EPB41L3: variants seen among roughly 807,000 people sequenced by gnomAD.
The protein encoded by EPB41L3 is erythrocyte membrane protein band 4.1 like 3.
A neutral mutation model predicts 127.1 loss-of-function variants in EPB41L3; 57 were observed. That is an observed-to-expected ratio of 0.45 (90% CI 0.36 to 0.56). EPB41L3 has a LOEUF of 0.56. Ranked by LOEUF, EPB41L3 falls within the 20% of genes least tolerant of loss-of-function variation. The pLI, the probability that EPB41L3 is intolerant of heterozygous loss-of-function variation, is 0.00. For missense variants in EPB41L3, 1,273 were observed against 1,372.2 expected (o/e 0.93, Z 1.14); for synonymous variants, 572 against 549.5 (o/e 1.04, Z -0.57).
chr18:5,574,531 C>T (rs920445091), intron 3 of EPB41L3, among the ~76,000 whole-genome samples: 7 of 151,484 alleles, frequency 4.6e-5, no homozygotes, highest in African/African-American at 9.7e-5. Context: ...TCTCAGAGTC[C>T]GTATATCCAG....
At chr18:5,483,316 T>C (rs2088976102) in intron 2 of EPB41L3, among the ~76,000 whole-genome samples, 1 of 152,054 alleles carries the variant, frequency 6.6e-6, no homozygotes, top group African/African-American at 2.4e-5. Context: ...GTAAGCCTCA[T>C]AGTAACCACA....
intron 16 of EPB41L3, among the ~76,000 whole-genome samples, chr18:5,401,780 A>T (rs1249249311): frequency 6.6e-6 from 1 of 151,942 alleles, no homozygotes; most frequent in Non-Finnish European, 1.5e-5. Flanking sequence ...ACTTCTTTTT[A>T]TTTTTTTCTC....
At position 5,425,573 on chromosome 18, in the gene EPB41L3, T is replaced by C. The variant is rs554437150; in HGVS notation, c.1066-1214A>G. On this transcript the variant is annotated intron_variant, in intron 9 of 22. Transcript: ENST00000341928. ...CTCTGCCAACCTCTGTAGGCAAGGATGATGCAGGCTCCTAGACTACCTGAA... is the reference window on the plus strand; with the variant it reads ...CTCTGCCAACCTCTGTAGGCAAGGACGATGCAGGCTCCTAGACTACCTGAA... Among the ~76,000 whole-genome samples the C allele has an allele frequency of 1.1e-3, 162 of 152,330 alleles. 1 individual carries two copies. Among genetic ancestry groups the C allele is most frequent in the African/African-American group, 3.8e-3 (157 of 41,580 alleles).
At chr18:5,565,628 C>A (rs1156716792) in intron 3 of EPB41L3, among the ~76,000 whole-genome samples, 1 of 130,244 alleles carries the variant, frequency 7.7e-6, no homozygotes, top group Admixed American at 8.4e-5. Flanking sequence ...CTCCCCCCAC[C>A]CCACAACAGG....
intron 3 of EPB41L3, among the ~76,000 whole-genome samples, chr18:5,592,153 T>C (rs1367169775): frequency 6.6e-6 from 1 of 152,186 alleles, no homozygotes; most frequent in Non-Finnish European, 1.5e-5. Context: ...AAGTCTTTAT[T>C]ATTTTGTTAA....
intron 16 of EPB41L3, among the ~76,000 whole-genome samples, chr18:5,403,288 T>C (rs980192131): frequency 2.0e-5 from 3 of 152,200 alleles, no homozygotes; most frequent in African/African-American, 7.2e-5. Flanking sequence ...TGGGGCATCC[T>C]TGCTACTTGT....
intron 3 of EPB41L3, among the ~76,000 whole-genome samples, chr18:5,604,692 G>A (rs1307413454): frequency 6.6e-6 from 1 of 152,094 alleles, no homozygotes; most frequent in African/African-American, 2.4e-5. Context: ...GGCCTCAAGT[G>A]ATCTGCCCAC....
chr18:5,429,696 C>A (rs922188856), intron 8 of EPB41L3, among the ~76,000 whole-genome samples: 4 of 152,184 alleles, frequency 2.6e-5, no homozygotes, highest in Non-Finnish European at 5.9e-5. Flanking sequence ...CGTATCACTC[C>A]ATGACACACT....
At chr18:5,473,166 G>A (rs1459040815) in intron 3 of EPB41L3, among the ~76,000 whole-genome samples, 1 of 152,100 alleles carries the variant, frequency 6.6e-6, no homozygotes, top group Non-Finnish European at 1.5e-5. Context: ...TCTCTCCAGT[G>A]TGGCCCATTC....
rs764406675 is a variant in EPB41L3, at chr18:5,406,860, C to T, written c.2266G>A (p.Glu756Lys). The T allele has an allele frequency of 1.9e-6, 3 of 1,614,210 alleles. No individual in the cohort carries two copies. Among genetic ancestry groups the T allele is most frequent in the Non-Finnish European group, 2.5e-6 (3 of 1,180,038 alleles). ...ACGGGGGAGGTGGAAAGCCTCTTCT[C>T]CCATTCATTCGTTACGGCAGTGTCT... is the stretch of plus-strand genomic sequence containing the variant. ...STDTAVTNEW[E>K]KRLSTSPVRL... Residue 756 changes from glutamate to lysine, a missense_variant, in exon 16 of 23, where the codon GAG becomes AAG. Transcript: ENST00000341928.
At chr18:5,546,541 C>CAACA (rs539883570), upstream of EPB41L3, among the ~76,000 whole-genome samples, 3 of 152,030 alleles carry the variant, frequency 2.0e-5, no homozygotes, top group South Asian at 2.1e-4. Context: ...AAAACTACAA[C>CAACA]AACAAACAAA....
upstream of EPB41L3, chr18:5,544,282 A>C (rs2093838382): frequency 2.0e-6 from 2 of 985,450 alleles, no homozygotes; most frequent in Non-Finnish European, 2.4e-6. Context: ...TTAGCCCTTT[A>C]TTCCCACTTA....
intron 1 of EPB41L3, among the ~76,000 whole-genome samples, chr18:5,493,465 T>C (rs751083025): frequency 1.2e-4 from 19 of 152,298 alleles, no homozygotes; most frequent in Non-Finnish European, 2.1e-4. Flanking sequence ...ACATAAGTAT[T>C]TGTGACTATA....
intron 22 of EPB41L3, chr18:5,394,164 C>T (rs2072913957): frequency 6.6e-6 from 1 of 152,504 alleles, no homozygotes; most frequent in African/African-American, 2.4e-5. Context: ...ATTAAAAAAA[C>T]AAAACTAAAG....
Position 5,397,083 on chromosome 18 carries a change from G to A in EPB41L3, c.2816C>T (p.Thr939Ile). 1 of 1,601,952 alleles carries A rather than the reference G, an allele frequency of 6.2e-7. No homozygotes were observed. The highest frequency in any genetic ancestry group is 8.5e-7 in the Non-Finnish European group (1 of 1,175,570). The change falls in exon 18 of 23, where the codon ACT (threonine) becomes ATT (isoleucine). Residue 939 changes from threonine (T) to isoleucine (I), a missense_variant. By Grantham distance (89) the Thr-to-Ile change is moderately conservative. Around this residue, in one of 3 missense-constraint regions of EPB41L3, gnomAD observed 765 missense variants for 782.9 expected, o/e 0.98. Transcript: ENST00000341928. This position sits in a 1 kb window ranked among gnomAD's most constrained non-coding sequence, Gnocchi z 4.1. ...CTCAAAATGAGGTTTTTGTTCCAAA[G>A]TTTCTGAAATGTGGATGGCTGCACT... ...EQSAAIHISE[T>I]LEQKPHFESS...
At chr18:5,536,470 G>A (rs543503511) in intron 1 of EPB41L3, among the ~76,000 whole-genome samples, 3 of 150,296 alleles carry the variant, frequency 2.0e-5, no homozygotes, top group Non-Finnish European at 4.4e-5. Context: ...TTGCATGCAT[G>A]AAAAAGCTCC....
intron 1 of EPB41L3, among the ~76,000 whole-genome samples, chr18:5,508,728 C>G (rs995143668): frequency 7.1e-6 from 1 of 140,552 alleles, no homozygotes; most frequent in Non-Finnish European, 1.5e-5. Context: ...GATAGCACCA[C>G]TGCACTCCAG....
intron 3 of EPB41L3, among the ~76,000 whole-genome samples, chr18:5,580,131 C>T (rs1004585935): frequency 6.6e-6 from 1 of 152,160 alleles, no homozygotes; most frequent in African/African-American, 2.4e-5. Context: ...AAGATAAGTA[C>T]ACACTTCTGT....
chr18:5,480,743 C>T (rs940030056), intron 2 of EPB41L3, among the ~76,000 whole-genome samples: 3 of 152,116 alleles, frequency 2.0e-5, no homozygotes, highest in African/African-American at 7.2e-5. Context: ...AAGGTCTCTG[C>T]CTTTTGCAGC....
Sources: gnomAD v4.1 joint callset for allele counts (sites outside exome capture counted in the v4.1 genomes callset) on GRCh38, gnomAD v4.1.1 for gene constraint, gnomAD v4.1.1 regional missense constraint, Gnocchi (gnomAD v3.1) non-coding constraint, MANE v1.5 for transcripts, NCBI Gene and HGNC (gene_info 2026-07-23, HGNC 2026-07-21) for gene names.